SLC2A14: variants seen among roughly 807,000 people sequenced by gnomAD.
SLC2A14 encodes solute carrier family 2 member 14.
Under a neutral mutation model 43.0 loss-of-function variants are expected in SLC2A14, and 13 were observed. The observed-to-expected ratio is 0.30, with a 90% CI of 0.20 to 0.48. The LOEUF (loss-of-function observed/expected upper bound fraction) is 0.48, where lower values mean the gene tolerates loss of function less well. Among genes scored for constraint, SLC2A14 ranks in the 20% least tolerant of loss-of-function variants. The pLI, the probability that SLC2A14 is intolerant of heterozygous loss-of-function variation, is 0.99. For missense variants in SLC2A14, 428 were observed against 620.4 expected, an observed-to-expected ratio of 0.69 and a Z score of 3.29; for synonymous variants, 190 against 233.8, an observed-to-expected ratio of 0.81 and a Z score of 1.71.
intron 2 of SLC2A14, among the ~76,000 whole-genome samples, chr12:7,865,151 T>C (rs1486125190): frequency 6.6e-6 from 1 of 152,192 alleles, no homozygotes; most frequent in Non-Finnish European, 1.5e-5. Context: ...TTATTATATC[T>C]GTTATAGTGA....
At chr12:7,848,918 G>A (rs746393608) in intron 2 of SLC2A14, among the ~76,000 whole-genome samples, 12 of 150,532 alleles carry the variant, frequency 8.0e-5, no homozygotes, top group Admixed American at 1.3e-4. Flanking sequence ...GTGCAGTGGT[G>A]CGATCTGGGC....
chr12:7,882,194 AC>A (rs760916261), intron 1 of SLC2A14, among the ~76,000 whole-genome samples: 3 of 151,990 alleles, frequency 2.0e-5, no homozygotes, highest in Non-Finnish European at 4.4e-5. Context: ...CTGTAGCTTT[AC>A]TTTTGAAGCC....
At chr12:7,869,431 A>T (rs1423133450) in intron 2 of SLC2A14, among the ~76,000 whole-genome samples, 2 of 152,070 alleles carry the variant, frequency 1.3e-5, no homozygotes, top group Admixed American at 6.5e-5. Context: ...AAGTACAATG[A>T]CTCAGTTACA....
chr12:7,848,227 CTT>C (rs1291216215), intron 2 of SLC2A14, among the ~76,000 whole-genome samples: 1 of 152,054 alleles, frequency 6.6e-6, no homozygotes, highest in African/African-American at 2.4e-5. Flanking sequence ...TTGTTTTCCA[CTT>C]TGTTTTCTTG....
At chr12:7,820,224 C>T (rs935479373) in intron 8 of SLC2A14, among the ~76,000 whole-genome samples, 2 of 136,926 alleles carry the variant, frequency 1.5e-5, no homozygotes, top group African/African-American at 5.8e-5. Context: ...CCCTCCAGAC[C>T]TCGCCCTGTG....
intron 2 of SLC2A14, among the ~76,000 whole-genome samples, chr12:7,869,084 C>T (rs1253462795): frequency 1.3e-5 from 2 of 150,756 alleles, no homozygotes; most frequent in African/African-American, 4.9e-5. Flanking sequence ...GCGGAGGTTG[C>T]GGTGAGCCGA....
chr12:7,817,125 T>C (rs991627797), intron 10 of SLC2A14, among the ~76,000 whole-genome samples: 2 of 151,924 alleles, frequency 1.3e-5, no homozygotes, highest in African/African-American at 4.8e-5. Flanking sequence ...TTATTATATA[T>C]ATTTTTTGAG....
chr12:7,815,894 T>TTTTTTGTTTTTG (rs772359975), intron 10 of SLC2A14, among the ~76,000 whole-genome samples: 2 of 149,240 alleles, frequency 1.3e-5, no homozygotes, highest in African/African-American at 5.0e-5. Flanking sequence ...TTTTTTTTGT[T>TTTTTTGTTTTTG]TTTTTGTTTT....
At chr12:7,863,806 C>CT (rs932324262) in intron 2 of SLC2A14, among the ~76,000 whole-genome samples, 7 of 73,740 alleles carry the variant, frequency 9.5e-5, no homozygotes, top group African/African-American at 3.0e-4. Context: ...AACCATCTTC[C>CT]TTTTTTTTCT....
At chr12:7,825,877 C>T (rs1490313506) in intron 7 of SLC2A14, among the ~76,000 whole-genome samples, 2 of 151,816 alleles carry the variant, frequency 1.3e-5, no homozygotes, top group African/African-American at 4.8e-5. Context: ...CTGTAATTTC[C>T]CACAGGTGAT....
intron 7 of SLC2A14, among the ~76,000 whole-genome samples, chr12:7,825,766 CAAAA>C (rs35156149): frequency 4.9e-5 from 6 of 121,250 alleles, no homozygotes; most frequent in Non-Finnish European, 6.6e-5. Context: ...CTCTGTCTCA[CAAAA>C]AAAAAAAAAA....
At position 7,822,140 on chromosome 12, in the gene SLC2A14, T is replaced by C. The variant is rs148402281; in HGVS notation, c.865-815A>G. 1.7e-3 allele frequency among the ~76,000 whole-genome samples: 258 copies of C among 151,770 alleles called. 10 individuals are homozygous for C. The East Asian group carries it at 0.047, about 28-fold the overall frequency. On this transcript the variant is annotated intron_variant, in intron 7 of 10. Coordinates refer to ENST00000431042, the MANE Select transcript of SLC2A14 (RefSeq NM_001286234.2). ...CGCCTGGCCAATTTTTGTATTTTTT[T>C]AGTAGAGACATGGTTTCGCCATGTT...
chr12:7,821,524 A>C (rs1422912742), intron 7 of SLC2A14, among the ~76,000 whole-genome samples, 199 bp from the exon 8 acceptor site: 1 of 152,144 alleles, frequency 6.6e-6, no homozygotes, highest in Non-Finnish European at 1.5e-5. Context: ...TTCTACTAAA[A>C]ATATAAAAAT....
At chr12:7,870,905 G>A in intron 1 of SLC2A14, 2 of 1,393,222 alleles carry the variant, frequency 1.4e-6, no homozygotes, top group South Asian at 2.3e-5. Context: ...CACAGCACAA[G>A]GGGCCACATC....
At position 7,814,545 on chromosome 12, in the gene SLC2A14, G is replaced by T. The variant is rs1334828322; in HGVS notation, c.1276-11C>A. 8 of 1,600,668 alleles carry T rather than the reference G, an allele frequency of 5.0e-6. No individual in the cohort carries two copies. Among genetic ancestry groups the T allele is most frequent in the Non-Finnish European group, 6.8e-6 (8 of 1,175,858 alleles). ...GGCTCCTAAATAGTACTAGTGAAAG[G>T]ACAGAAAAAAGGAAGGTTGATATAA... On this transcript the variant is annotated splice_polypyrimidine_tract_variant and intron_variant, in intron 10 of 10. Transcript: ENST00000431042.
intron 1 of SLC2A14, 134 bp downstream of exon 1, chr12:7,872,673 C>T (rs1266140814): frequency 4.4e-6 from 3 of 681,712 alleles, no homozygotes; most frequent in African/African-American, 3.9e-5. Flanking sequence ...TTCCCAGAGC[C>T]GCAGCTCTCT....
chr12:7,885,194 G>A (rs771035334), intron 1 of SLC2A14, among the ~76,000 whole-genome samples: 1 of 152,310 alleles, frequency 6.6e-6, no homozygotes, highest in African/African-American at 2.4e-5. Flanking sequence ...AAAAGAGCCA[G>A]GTGTGGTGGC....
At chr12:7,864,970 A>G (rs1944829673) in intron 2 of SLC2A14, among the ~76,000 whole-genome samples, 1 of 152,102 alleles carries the variant, frequency 6.6e-6, no homozygotes, top group Non-Finnish European at 1.5e-5. Flanking sequence ...CACTACAGGT[A>G]TATCTCGCTT....
chr12:7,836,341 C>G (rs1178495203), intron 2 of SLC2A14, among the ~76,000 whole-genome samples: 2 of 152,102 alleles, frequency 1.3e-5, no homozygotes, highest in East Asian at 3.9e-4. Flanking sequence ...CTGCCTCAGC[C>G]TCCTGAGTAG....
Sources: gnomAD v4.1 joint callset for allele counts (sites outside exome capture counted in the v4.1 genomes callset) on GRCh38, gnomAD v4.1.1 for gene constraint, MANE v1.5 for transcripts, NCBI Gene and HGNC (gene_info 2026-07-23, HGNC 2026-07-21) for gene names.